The following ADD3 variants were observed in gnomAD, a reference collection of about 807,000 sequenced individuals.
The protein encoded by ADD3 is gamma-adducin.
ADD3 carries 25 observed loss-of-function variants against 80.2 expected under a neutral mutation model. The ratio of observed to expected loss-of-function variants is 0.31; its 90% CI spans 0.23 to 0.44. The LOEUF (loss-of-function observed/expected upper bound fraction) is 0.44. Among genes scored for constraint, ADD3 ranks in the 20% least tolerant of loss-of-function variants. ADD3 has a pLI of 1.00. For synonymous variants in ADD3, 284 were observed against 289.6 expected (o/e 0.98, Z 0.20); for missense variants, 829 against 847.5 (o/e 0.98, Z 0.27).
At chr10:110,118,556 C>A in intron 5 of ADD3, 31 bp from the exon 6 acceptor site, 5 of 1,596,538 alleles carry the variant, frequency 3.1e-6, no homozygotes, top group Non-Finnish European at 4.3e-6. Context: ...ACGTATATAC[C>A]AGTTAAATAT....
chr10:110,115,617 T>C (rs1395935555), intron 3 of ADD3, among the ~76,000 whole-genome samples: 1 of 152,090 alleles, frequency 6.6e-6, no homozygotes, highest in African/African-American at 2.4e-5. Flanking sequence ...GAGAAAAGCA[T>C]GTAGACAAGG....
chr10:110,091,331 G>T (rs770299352), intron 1 of ADD3, among the ~76,000 whole-genome samples: 15 of 152,186 alleles, frequency 9.9e-5, no homozygotes, highest in Non-Finnish European at 1.9e-4. Context: ...TTCCTTATTT[G>T]TGAGAAGAAC....
At chr10:110,133,281 G>A (rs754208787) in intron 14 of ADD3, 45 bp from the exon 15 acceptor site, 20 of 1,524,536 alleles carry the variant, frequency 1.3e-5, no homozygotes, top group Admixed American at 6.3e-5. Context: ...GAGCAAAAAT[G>A]TTAAGTATGT....
chr10:110,063,749 A>AGTGAAC (rs1554926969), intron 1 of ADD3, among the ~76,000 whole-genome samples: 1 of 43,810 alleles, frequency 2.3e-5, no homozygotes, highest in Admixed American at 3.8e-4. Flanking sequence ...ATATATATAT[A>AGTGAAC]TATATATATA....
Position 110,128,049 on chromosome 10 carries a change from ATTT to A in ADD3, c.1608+1566_1608+1568del, listed in dbSNP as rs71486096. 1.8e-3 allele frequency among the ~76,000 whole-genome samples: 196 copies of A among 105,978 alleles called. 1 individual carries two copies. The highest frequency in any genetic ancestry group is 6.0e-3 in the African/African-American group (169 of 28,038). 69.5% of individuals were successfully genotyped at this position (105,978 alleles called of 152,430 possible). On this transcript the variant is annotated intron_variant, in intron 12 of 14. Transcript: ENST00000356080. ...TGGAATTCCTGAACCTTTGTTTAGG[ATTT>A]TTTTTTTTTTTTTTTTTTTGCTTTT...
intron 10 of ADD3, 114 bp downstream of exon 10, chr10:110,124,388 C>T: frequency 2.4e-6 from 3 of 1,233,604 alleles, no homozygotes; most frequent in Non-Finnish European, 3.3e-6. Context: ...AAAAATATTA[C>T]TGTCACTTAT....
At chr10:110,130,855 C>CAAA (rs1256813480) in intron 13 of ADD3, among the ~76,000 whole-genome samples, 1 of 90,132 alleles carries the variant, frequency 1.1e-5, no homozygotes, top group Non-Finnish European at 2.3e-5. Context: ...GACTCCGTCT[C>CAAA]AAAAAAAAAA....
upstream of ADD3, among the ~76,000 whole-genome samples, chr10:110,004,004 A>G (rs1851540389): frequency 6.6e-6 from 1 of 152,174 alleles, no homozygotes; most frequent in Non-Finnish European, 1.5e-5. Context: ...GTGCCTTTAT[A>G]TAAGAGACTG....
At chr10:110,037,081 A>G (rs1855750551) in intron 1 of ADD3, among the ~76,000 whole-genome samples, 1 of 152,182 alleles carries the variant, frequency 6.6e-6, no homozygotes, top group African/African-American at 2.4e-5. Flanking sequence ...GAAAGAAAAT[A>G]CTAGTTGGAA....
intron 1 of ADD3, chr10:109,997,374 TGGAA>T (rs1851401419): frequency 6.6e-6 from 1 of 152,194 alleles, no homozygotes; most frequent in African/African-American, 2.4e-5. Flanking sequence ...GCACCCTTAC[TGGAA>T]AAGGCAAGGA....
chr10:110,110,500 G>A (rs112759491), intron 2 of ADD3, among the ~76,000 whole-genome samples: 333 of 152,280 alleles, frequency 2.2e-3, no homozygotes, highest in Non-Finnish European at 3.3e-3. Flanking sequence ...ATCTTCCGGT[G>A]CTAAGCTCGG....
intron 1 of ADD3, among the ~76,000 whole-genome samples, chr10:110,019,034 T>G (rs1853336627): frequency 2.0e-5 from 3 of 152,208 alleles, no homozygotes; most frequent in Admixed American, 2.0e-4. Context: ...GAAAGCCTCA[T>G]TTTGGGGAAG....
intron 1 of ADD3, among the ~76,000 whole-genome samples, chr10:109,998,113 C>T (rs757555707): frequency 2.0e-5 from 3 of 152,116 alleles, no homozygotes; most frequent in Admixed American, 6.5e-5. Flanking sequence ...ATAAGTACAA[C>T]AAAATTAATT....
At chr10:110,072,827 C>T (rs949853704) in intron 1 of ADD3, among the ~76,000 whole-genome samples, 2 of 152,188 alleles carry the variant, frequency 1.3e-5, no homozygotes, top group Non-Finnish European at 2.9e-5. Flanking sequence ...TTCTACAGTT[C>T]AAGGGACATC....
chr10:110,126,836 C>G (rs1852228172), intron 12 of ADD3, among the ~76,000 whole-genome samples: 1 of 152,188 alleles, frequency 6.6e-6, no homozygotes, highest in South Asian at 2.1e-4. Context: ...TAAACCACTG[C>G]TCCTCGTCCT....
Position 110,050,119 on chromosome 10 carries a change from A to G in ADD3, c.-30+41820A>G, listed in dbSNP as rs537893643. The stretch of plus-strand genomic sequence containing the variant: ...ACTTTGGACTGTGGACTTTGAGTTA[A>G]TGCTGAAATGAGTTAAGACTTTGGG... On this transcript the variant is annotated intron_variant, in intron 1 of 14. Transcript: ENST00000356080. 7.8e-4 allele frequency among the ~76,000 whole-genome samples: 119 copies of G among 152,258 alleles called. 1 individual carries two copies. The highest frequency in any genetic ancestry group is 2.8e-3 in the African/African-American group (116 of 41,544).
intron 1 of ADD3, among the ~76,000 whole-genome samples, chr10:110,030,556 A>G (rs901892726): frequency 7.3e-5 from 11 of 151,266 alleles, no homozygotes; most frequent in Admixed American, 3.3e-4. Context: ...TAACCTGTGA[A>G]ATGGGTATTA....
chr10:110,021,249 A>G (rs1347063538), intron 1 of ADD3, among the ~76,000 whole-genome samples: 1 of 152,234 alleles, frequency 6.6e-6, no homozygotes, highest in Non-Finnish European at 1.5e-5. Flanking sequence ...TTTAATCAAA[A>G]TGTGAAAATA....
chr10:110,050,138 C>T (rs919025380), intron 1 of ADD3, among the ~76,000 whole-genome samples: 2 of 152,068 alleles, frequency 1.3e-5, no homozygotes, highest in African/African-American at 4.8e-5. Context: ...TGAGTTAAGA[C>T]TTTGGGGGAC....
Sources: gnomAD v4.1 joint callset for allele counts (sites outside exome capture counted in the v4.1 genomes callset) on GRCh38, gnomAD v4.1.1 for gene constraint, MANE v1.5 for transcripts, NCBI Gene and HGNC (gene_info 2026-07-23, HGNC 2026-07-21) for gene names.